KSR2: variants seen among roughly 807,000 people sequenced by gnomAD.
KSR2 encodes the protein kinase suppressor of ras 2.
KSR2 carries 25 observed loss-of-function variants against 107.8 expected under a neutral mutation model. That is an observed-to-expected ratio of 0.23 (90% CI 0.17 to 0.32). KSR2 has a LOEUF of 0.32. Ranked by LOEUF, KSR2 falls within the 10% of genes least tolerant of loss-of-function variation. KSR2 has a pLI of 1.00. For missense variants in KSR2, 887 were observed against 1,268.9 expected, an observed-to-expected ratio of 0.70 and a Z score of 4.57; for synonymous variants, 480 against 507.0, an observed-to-expected ratio of 0.95 and a Z score of 0.71.
intron 1 of KSR2, among the ~76,000 whole-genome samples, chr12:117,882,765 CCATCCATCCATCTGTTCATTTATT>C (rs1566065768): frequency 6.6e-6 from 1 of 151,940 alleles, no homozygotes; most frequent in Non-Finnish European, 1.5e-5. Context: ...ATCCAACAAT[CCATCCATCCATCTGTTCATTTATT>C]CATCCATCCA....
At chr12:117,827,167 G>A (rs1247059578) in intron 3 of KSR2, among the ~76,000 whole-genome samples, 1 of 152,144 alleles carries the variant, frequency 6.6e-6, no homozygotes, top group Non-Finnish European at 1.5e-5. Context: ...AGGAAAAAGA[G>A]AATGAAGTCT....
At chr12:117,910,776 G>A (rs1894986950) in intron 1 of KSR2, among the ~76,000 whole-genome samples, 1 of 152,180 alleles carries the variant, frequency 6.6e-6, no homozygotes, top group African/African-American at 2.4e-5. Flanking sequence ...CAGTTTAGAA[G>A]GTAGGCGTGA....
intron 3 of KSR2, among the ~76,000 whole-genome samples, chr12:117,789,787 T>A (rs1220470293): frequency 6.6e-6 from 1 of 152,176 alleles, no homozygotes; most frequent in Non-Finnish European, 1.5e-5. Context: ...GAGTGTCAGG[T>A]ACCTGGAGAT....
At chr12:117,894,723 G>T (rs1452188940) in intron 1 of KSR2, among the ~76,000 whole-genome samples, 26 of 44,622 alleles carry the variant, frequency 5.8e-4, no homozygotes, top group African/African-American at 2.3e-3. Flanking sequence ...CCCCCTTCCC[G>T]TCCCCATCTC....
chr12:117,836,887 G>C (rs544248416), intron 3 of KSR2, among the ~76,000 whole-genome samples: 1 of 152,260 alleles, frequency 6.6e-6, no homozygotes, highest in Non-Finnish European at 1.5e-5. Context: ...GCTCTTTCCA[G>C]ATGTCTCCCA....
chr12:117,791,180 A>G (rs530568268), intron 3 of KSR2, among the ~76,000 whole-genome samples: 1 of 152,098 alleles, frequency 6.6e-6, no homozygotes, highest in East Asian at 1.9e-4. Context: ...TATGCCCACC[A>G]GCTCACCCCA....
intron 3 of KSR2, among the ~76,000 whole-genome samples, chr12:117,788,250 A>G (rs1660596060): frequency 6.6e-6 from 1 of 152,208 alleles, no homozygotes; most frequent in South Asian, 2.1e-4. Flanking sequence ...AAGGTCAGCA[A>G]CTCCCTGTAT....
rs558555166 is a variant in KSR2 at position 117,862,825 on chromosome 12, G to T, written c.181-2394C>A. Reference sequence around the variant, plus strand: ...GCTCACTGCAAGTTCCGCCTCCTGGGTTCCCTCCATTCTCCTGCCTCACCC... The same window carrying T: ...GCTCACTGCAAGTTCCGCCTCCTGGTTTCCCTCCATTCTCCTGCCTCACCC... On this transcript the variant is annotated intron_variant, in intron 1 of 19. Transcript: ENST00000339824. 7.9e-5 allele frequency among the ~76,000 whole-genome samples: 12 copies of T among 151,048 alleles called. No individual in the cohort carries two copies. The South Asian group carries it at 2.5e-3, about 32-fold the overall frequency.
At chr12:117,851,634 T>C (rs970388479) in intron 3 of KSR2, among the ~76,000 whole-genome samples, 4 of 152,078 alleles carry the variant, frequency 2.6e-5, no homozygotes, top group African/African-American at 9.7e-5. Flanking sequence ...CTCATACCTG[T>C]AATCCCAGCA....
intron 16 of KSR2, among the ~76,000 whole-genome samples, chr12:117,479,002 A>G (rs1871980532): frequency 6.6e-6 from 1 of 152,246 alleles, no homozygotes; most frequent in East Asian, 1.9e-4. Flanking sequence ...TCACACCTGT[A>G]GAAACACTGG....
At chr12:117,499,641 G>C (rs1873259835) in intron 14 of KSR2, among the ~76,000 whole-genome samples, 1 of 152,178 alleles carries the variant, frequency 6.6e-6, no homozygotes, top group African/African-American at 2.4e-5. Context: ...ACAGGGTTTA[G>C]CCCACTCTGG....
intron 9 of KSR2, among the ~76,000 whole-genome samples, chr12:117,543,620 A>G (rs748037617): frequency 2.0e-5 from 3 of 152,228 alleles, no homozygotes; most frequent in Non-Finnish European, 4.4e-5. Context: ...TTAAACCTAT[A>G]TATGAATTTT....
intron 7 of KSR2, among the ~76,000 whole-genome samples, chr12:117,576,063 C>A (rs1173070984): frequency 6.6e-6 from 1 of 152,190 alleles, no homozygotes; most frequent in South Asian, 2.1e-4. Flanking sequence ...CTCTCCCAAC[C>A]CTTGGCAGGG....
chr12:117,783,878 C>G (rs1803614612), intron 3 of KSR2, among the ~76,000 whole-genome samples: 1 of 151,976 alleles, frequency 6.6e-6, no homozygotes, highest in Non-Finnish European at 1.5e-5. Context: ...AGCCATGTCC[C>G]AAAATCAGCC....
Position 117,745,749 on chromosome 12 carries a change from C to T in KSR2, c.986+15262G>A, listed in dbSNP as rs1888383342. Among the ~76,000 whole-genome samples the T allele has an allele frequency of 2.0e-5, 3 of 152,090 alleles. No homozygotes were observed. The South Asian group carries it at 6.2e-4, about 32-fold the overall frequency. On this transcript the variant is annotated intron_variant, in intron 4 of 19. Coordinates refer to ENST00000339824, the MANE Select transcript of KSR2 (RefSeq NM_173598.6). ...TCAGCAAAGTCTCAGGATACAAAAT[C>T]AACATGCAAAAATCACAAGCATTCC...
At chr12:117,546,909 T>G (rs1238505367) in intron 9 of KSR2, among the ~76,000 whole-genome samples, 1 of 152,240 alleles carries the variant, frequency 6.6e-6, no homozygotes, top group Non-Finnish European at 1.5e-5. Context: ...AGAACGTTCA[T>G]AATTGCTTAT....
intron 1 of KSR2, among the ~76,000 whole-genome samples, chr12:117,929,968 A>G (rs1362063617): frequency 6.6e-6 from 1 of 152,194 alleles, no homozygotes; most frequent in Non-Finnish European, 1.5e-5. Flanking sequence ...AATGTATTTA[A>G]TGTCACTGAA....
At chr12:117,645,668 T>C (rs1006509268) in intron 5 of KSR2, among the ~76,000 whole-genome samples, 1 of 152,126 alleles carries the variant, frequency 6.6e-6, no homozygotes, top group Non-Finnish European at 1.5e-5. Context: ...TCTAACTGTT[T>C]GGAAGGGGCT....
chr12:117,588,395 G>T (rs1050484590), intron 5 of KSR2, among the ~76,000 whole-genome samples: 1 of 152,214 alleles, frequency 6.6e-6, no homozygotes, highest in Non-Finnish European at 1.5e-5. Context: ...ATTATTCTTT[G>T]CGATTTATCT....
Sources: gnomAD v4.1 joint callset for allele counts (sites outside exome capture counted in the v4.1 genomes callset) on GRCh38, gnomAD v4.1.1 for gene constraint, MANE v1.5 for transcripts, NCBI Gene and HGNC (gene_info 2026-07-23, HGNC 2026-07-21) for gene names.